The following IMMP2L variants were observed in gnomAD, a reference collection of about 807,000 sequenced individuals.
The protein encoded by IMMP2L is mitochondrial inner membrane protease subunit 2.
In IMMP2L, 18 loss-of-function variants were observed where a neutral mutation model predicts 19.3. The ratio of observed to expected loss-of-function variants is 0.93; its 90% CI spans 0.64 to 1.38. The LOEUF (loss-of-function observed/expected upper bound fraction) is 1.38. IMMP2L is among the 40% of genes most tolerant of loss of function. IMMP2L has a pLI of 0.00. For synonymous variants in IMMP2L, 76 were observed against 73.0 expected (o/e 1.04, Z -0.21); for missense variants, 233 against 218.2 (o/e 1.07, Z -0.43).
At chr7:111,425,784 T>G (rs1836015056) in intron 3 of IMMP2L, among the ~76,000 whole-genome samples, 1 of 151,286 alleles carries the variant, frequency 6.6e-6, no homozygotes, top group Non-Finnish European at 1.5e-5. Flanking sequence ...ATAATCTTAG[T>G]TACCCACCTG....
chr7:110,885,791 T>C (rs1013762883), intron 5 of IMMP2L, among the ~76,000 whole-genome samples: 2 of 152,006 alleles, frequency 1.3e-5, no homozygotes, highest in African/African-American at 2.4e-5. Flanking sequence ...GGAGATACAA[T>C]TTTTCATGTG....
chr7:110,835,493 C>T (rs1170443357), intron 5 of IMMP2L, among the ~76,000 whole-genome samples: 1 of 151,454 alleles, frequency 6.6e-6, no homozygotes, highest in African/African-American at 2.4e-5. Context: ...TCCTGAGAGC[C>T]CTAGGACCAA....
At chr7:111,490,904 C>G (rs1384134002) in intron 2 of IMMP2L, among the ~76,000 whole-genome samples, 1 of 152,096 alleles carries the variant, frequency 6.6e-6, no homozygotes, top group Non-Finnish European at 1.5e-5. Flanking sequence ...TTGAATAACA[C>G]AGGTTTGAAC....
chr7:111,102,484 G>A (rs987146607), intron 3 of IMMP2L, among the ~76,000 whole-genome samples: 1 of 151,542 alleles, frequency 6.6e-6, no homozygotes, highest in African/African-American at 2.4e-5. Flanking sequence ...ACAGTAATGT[G>A]TTGCTGCTGC....
At chr7:111,468,952 A>C (rs1840947718) in intron 3 of IMMP2L, among the ~76,000 whole-genome samples, 1 of 152,166 alleles carries the variant, frequency 6.6e-6, no homozygotes, top group Non-Finnish European at 1.5e-5. Context: ...GGGTTTGAGA[A>C]GTCTGAGGAA....
At chr7:111,387,015 T>C (rs1304650764) in intron 3 of IMMP2L, among the ~76,000 whole-genome samples, 2 of 152,212 alleles carry the variant, frequency 1.3e-5, no homozygotes, top group Non-Finnish European at 2.9e-5. Context: ...TTATATCACA[T>C]AGCACTTATT....
chr7:110,716,301 A>G (rs12705731), intron 5 of IMMP2L, among the ~76,000 whole-genome samples: 111,987 of 151,700 alleles, frequency 0.74, 41,807 homozygotes, highest in East Asian at 0.82. Flanking sequence ...TTTACATTCA[A>G]GGTTAATATT....
At chr7:111,397,977 T>A (rs879309338) in intron 3 of IMMP2L, among the ~76,000 whole-genome samples, 1 of 152,164 alleles carries the variant, frequency 6.6e-6, no homozygotes, top group Non-Finnish European at 1.5e-5. Flanking sequence ...TTCTTCTAAG[T>A]ATTTTATGAC....
chr7:111,504,073 T>C (rs1318992403), intron 2 of IMMP2L, among the ~76,000 whole-genome samples: 5 of 151,922 alleles, frequency 3.3e-5, no homozygotes, highest in South Asian at 2.1e-4. Flanking sequence ...TAGAAAACCC[T>C]ATTGTCTCAG....
intron 3 of IMMP2L, among the ~76,000 whole-genome samples, chr7:111,119,329 A>T: frequency 6.6e-6 from 1 of 152,198 alleles, no homozygotes; most frequent in East Asian, 1.9e-4. Context: ...ACGGAATTGT[A>T]ACCATCTGTT....
At chr7:110,754,046 C>G (rs1306379506) in intron 5 of IMMP2L, among the ~76,000 whole-genome samples, 2 of 151,880 alleles carry the variant, frequency 1.3e-5, no homozygotes, top group East Asian at 3.9e-4. Context: ...ATTTCACTAT[C>G]AAAGAAATTC....
intron 4 of IMMP2L, among the ~76,000 whole-genome samples, chr7:110,911,942 T>C (rs1033068651): frequency 1.3e-5 from 2 of 152,072 alleles, no homozygotes; most frequent in African/African-American, 4.8e-5. Context: ...TTTTCTCCTT[T>C]TAAAAGGTAG....
At chr7:111,327,255 C>T (rs1025757742) in intron 3 of IMMP2L, among the ~76,000 whole-genome samples, 1 of 151,670 alleles carries the variant, frequency 6.6e-6, no homozygotes, top group African/African-American at 2.4e-5. Flanking sequence ...TGAGAAGTTG[C>T]TGTCCAACTG....
chr7:111,550,979 T>A (rs1287223129), intron 1 of IMMP2L, among the ~76,000 whole-genome samples: 3 of 152,142 alleles, frequency 2.0e-5, no homozygotes, highest in African/African-American at 7.2e-5. Flanking sequence ...AAAAGAATCC[T>A]GAGTTGATAC....
chr7:111,221,515 AAGAG>A (rs141908424), intron 3 of IMMP2L, among the ~76,000 whole-genome samples: 2,183 of 151,564 alleles, frequency 0.014, 48 homozygotes, highest in African/African-American at 0.05. Flanking sequence ...GAGAGAGAGC[AAGAG>A]AGAGAGAGAT....
At chr7:111,020,486 G>A (rs1374543587) in intron 3 of IMMP2L, among the ~76,000 whole-genome samples, 1 of 152,146 alleles carries the variant, frequency 6.6e-6, no homozygotes, top group Non-Finnish European at 1.5e-5. Flanking sequence ...TGTTGGCCGG[G>A]CAGGGTGGCT....
chr7:111,486,641 G>A lies in IMMP2L; in HGVS notation c.239+597C>T, dbSNP rs565419028. 2.0e-5 allele frequency among the ~76,000 whole-genome samples: 3 copies of A among 152,266 alleles called. No individual in the cohort carries two copies. The East Asian group carries it at 5.8e-4, about 29-fold the overall frequency. ...CCATTTAGGCCTGTCCTAGGACTAT[G>A]TATTATATCATTGTGTCAGTTATAC... On this transcript the variant is annotated intron_variant, in intron 3 of 5. Coordinates refer to ENST00000405709, the MANE Select transcript of IMMP2L (RefSeq NM_032549.4).
chr7:111,443,314 T>C (rs557375174), intron 3 of IMMP2L, among the ~76,000 whole-genome samples: 11 of 149,564 alleles, frequency 7.4e-5, no homozygotes, highest in Non-Finnish European at 1.2e-4. Context: ...TAAGTTATTT[T>C]ACAAGCCTAT....
chr7:111,439,486 T>C (rs1837506284), intron 3 of IMMP2L, among the ~76,000 whole-genome samples: 2 of 151,964 alleles, frequency 1.3e-5, no homozygotes. Flanking sequence ...TCACAGTGTA[T>C]ATAAAAGTTA....
Sources: allele counts gnomAD v4.1 joint callset (sites outside exome capture counted in the v4.1 genomes callset), GRCh38; gene constraint gnomAD v4.1.1; transcripts MANE v1.5; gene names NCBI Gene and HGNC (gene_info 2026-07-23, HGNC 2026-07-21).